TTC7A: variants seen among roughly 807,000 people sequenced by gnomAD.
TTC7A encodes the protein tetratricopeptide repeat domain 7A.
In TTC7A, 110 loss-of-function variants were observed where a neutral mutation model predicts 103.7. The observed-to-expected ratio is 1.06, with a 90% CI of 0.91 to 1.24. The LOEUF (loss-of-function observed/expected upper bound fraction) is 1.24. Among genes scored for constraint, TTC7A ranks in the 50% most tolerant of loss-of-function variants. The pLI is 0.00. For synonymous variants in TTC7A, 521 were observed against 467.9 expected (o/e 1.11, Z -1.47); for missense variants, 1,340 against 1,116.3 (o/e 1.20, Z -2.86).
intron 15 of TTC7A, among the ~76,000 whole-genome samples, chr2:47,039,672 A>G (rs1681528197): frequency 6.6e-6 from 1 of 152,270 alleles, no homozygotes; most frequent in Non-Finnish European, 1.5e-5. Flanking sequence ...GAACAAGTCC[A>G]AGTCTTAATC....
At chr2:46,961,448 G>T (rs1392062751) in intron 3 of TTC7A, among the ~76,000 whole-genome samples, 2 of 151,928 alleles carry the variant, frequency 1.3e-5, no homozygotes, top group Non-Finnish European at 2.9e-5. Flanking sequence ...CTGGTGGCAG[G>T]TGCCTGTAGT....
rs982851394 is a variant in TTC7A at position 47,052,095 on chromosome 2, C to T, written c.2152+215C>T. ...TGGGAGAGCTTCTCTGGCAGCAAGC[C>T]CAAACGTGAGAGGATTGGAGGTCCT... On this transcript the variant is annotated intron_variant, in intron 18 of 19. Coordinates refer to ENST00000319190, the MANE Select transcript of TTC7A (RefSeq NM_020458.4). Among the ~76,000 whole-genome samples, 3 of 152,152 alleles carry T rather than the reference C, an allele frequency of 2.0e-5. No homozygotes were observed. In the East Asian group the frequency reaches 5.8e-4, roughly 29 times the overall value.
At chr2:47,071,341 G>C (rs1684685656) in intron 19 of TTC7A, 1 of 152,142 alleles carries the variant, frequency 6.6e-6, no homozygotes, top group Non-Finnish European at 1.5e-5. Flanking sequence ...GGGGGGACAT[G>C]AGCCAACCCA....
Position 47,074,934 on chromosome 2 carries a change from C to CATG in TTC7A, c.*1015_*1017dup, listed in dbSNP as rs1685100725. On this transcript the variant is annotated 3_prime_UTR_variant, in exon 20 of 20. Coordinates refer to ENST00000319190, the MANE Select transcript of TTC7A (RefSeq NM_020458.4). ...CTACTGGCTTCCCCGGCCCCTGCTG[C>CATG]ATGATGCTCTTGGAACTCTTCTCCA... 1 of 152,274 alleles carries CATG rather than the reference C, an allele frequency of 6.6e-6. No individual in the cohort carries two copies. 9.4% of individuals were successfully genotyped at this position (152,274 alleles called of 1,614,324 possible). A position where few individuals can be genotyped will look rare whatever the true frequency, so the allele number is the denominator to read the frequency against.
chr2:46,945,316 G>C (rs564568651), intron 1 of TTC7A, among the ~76,000 whole-genome samples: 1 of 151,832 alleles, frequency 6.6e-6, no homozygotes, highest in East Asian at 1.9e-4. Flanking sequence ...GCAGTGGTGC[G>C]ATCTCGGCTC....
At chr2:46,928,838 G>C (rs562815830) in intron 2 of TTC7A, among the ~76,000 whole-genome samples, 1 of 151,986 alleles carries the variant, frequency 6.6e-6, no homozygotes, top group East Asian at 1.9e-4. Flanking sequence ...TTACACCAGA[G>C]GGGTAGGGGG....
At chr2:47,072,446 C>T (rs1018243527) in intron 19 of TTC7A, among the ~76,000 whole-genome samples, 1 of 152,246 alleles carries the variant, frequency 6.6e-6, no homozygotes, top group Non-Finnish European at 1.5e-5. Context: ...TCCCACCGAA[C>T]TGGTTGTGTT....
intron 2 of TTC7A, among the ~76,000 whole-genome samples, chr2:46,953,385 G>T (rs760204333): frequency 5.3e-5 from 8 of 152,076 alleles, no homozygotes; most frequent in Non-Finnish European, 1.0e-4. Flanking sequence ...AAACTCCTGG[G>T]ATCAAGCAGT....
chr2:47,028,825 G>A (rs1680195023), intron 14 of TTC7A, among the ~76,000 whole-genome samples: 1 of 152,114 alleles, frequency 6.6e-6, no homozygotes, highest in African/African-American at 2.4e-5. Context: ...CCTTCCTGTG[G>A]TCAAGCTGCA....
At chr2:46,924,248 A>G (rs1319216706) in intron 2 of TTC7A, among the ~76,000 whole-genome samples, 29 of 151,544 alleles carry the variant, frequency 1.9e-4, no homozygotes, top group Admixed American at 1.9e-3. Flanking sequence ...AAAAAAAAAA[A>G]TCTCAAAGTC....
chr2:47,042,954 C>A (rs1011549673), intron 15 of TTC7A, among the ~76,000 whole-genome samples: 1 of 152,202 alleles, frequency 6.6e-6, no homozygotes, highest in African/African-American at 2.4e-5. Flanking sequence ...CAGCCTCCCC[C>A]CAGCTTCCCC....
In TTC7A at chr2:47,073,183, G is replaced by A. The variant is rs150315001; in HGVS notation, c.2356-519G>A. ...GAAGGCCTGTAATGCGTCCTCCTCC[G>A]TCTCTCTGCGTCCCTGGAGTGAAGG... is the stretch of plus-strand genomic sequence containing the variant. On this transcript the variant is annotated intron_variant, in intron 19 of 19. Transcript: ENST00000319190. 2.2e-4 allele frequency among the ~76,000 whole-genome samples: 33 copies of A among 152,258 alleles called. No homozygotes were observed. In the East Asian group the frequency reaches 4.8e-3, roughly 22 times the overall value.
chr2:47,040,371 C>A (rs376803425), intron 15 of TTC7A: 2 of 152,308 alleles, frequency 1.3e-5, no homozygotes, highest in East Asian at 1.9e-4. Flanking sequence ...CACTCACTTT[C>A]ATATCATCCT....
intron 6 of TTC7A, chr2:46,994,110 C>G: frequency 2.0e-6 from 1 of 495,302 alleles, no homozygotes; most frequent in Non-Finnish European, 3.6e-6. Flanking sequence ...CTCCTCTTGT[C>G]TAGGAGAGGA....
Position 47,047,931 on chromosome 2 carries a change from G to T in TTC7A, c.1919+1500G>T, listed in dbSNP as rs370689156. 1.9e-4 allele frequency among the ~76,000 whole-genome samples: 29 copies of T among 152,298 alleles called. 2 individuals carry two copies. The highest frequency in any genetic ancestry group is 5.2e-4 in the Admixed American group (8 of 15,308). ...GAAAGCCAGGAGGATATTGGATCCAGGCTCCTGGTCCAGATAGCCCTGCCC... is the reference window on the plus strand; with the variant it reads ...GAAAGCCAGGAGGATATTGGATCCATGCTCCTGGTCCAGATAGCCCTGCCC... On this transcript the variant is annotated intron_variant, in intron 16 of 19. Coordinates refer to ENST00000319190, the MANE Select transcript of TTC7A (RefSeq NM_020458.4).
At chr2:47,021,756 G>A in intron 11 of TTC7A, 106 bp from the exon 12 acceptor site, 1 of 867,274 alleles carries the variant, frequency 1.2e-6, no homozygotes, top group Non-Finnish European at 1.9e-6. Context: ...AAGGCCCTGT[G>A]ACCTTGAGCA....
intron 15 of TTC7A, among the ~76,000 whole-genome samples, chr2:47,041,907 T>C (rs537105241): frequency 1.3e-5 from 2 of 151,270 alleles, no homozygotes; most frequent in Admixed American, 6.6e-5. Flanking sequence ...TAAATTGAAA[T>C]GACAGATTAA....
intron 3 of TTC7A, among the ~76,000 whole-genome samples, chr2:46,974,259 TA>T (rs1483970069): frequency 6.6e-6 from 1 of 152,250 alleles, no homozygotes; most frequent in Non-Finnish European, 1.5e-5. Context: ...CAGGGGCTTT[TA>T]AAGGGGTACT....
intron 5 of TTC7A, among the ~76,000 whole-genome samples, chr2:46,979,863 C>T (rs1674261902): frequency 6.6e-6 from 1 of 152,204 alleles, no homozygotes; most frequent in Admixed American, 6.5e-5. Flanking sequence ...TGGGCTGGGG[C>T]TGGAGGACAT....
Sources: allele counts gnomAD v4.1 joint callset (sites outside exome capture counted in the v4.1 genomes callset), GRCh38; gene constraint gnomAD v4.1.1; transcripts MANE v1.5; gene names NCBI Gene and HGNC (gene_info 2026-07-23, HGNC 2026-07-21).